Variants in ATF7IP observed in about 807,000 individuals in gnomAD.
The protein encoded by ATF7IP is activating transcription factor 7 interacting protein, also known as activating transcription factor 7-interacting protein 1.
In ATF7IP, 23 loss-of-function variants were observed where a neutral mutation model predicts 106.4. The ratio of observed to expected loss-of-function variants is 0.22; its 90% CI spans 0.16 to 0.31. ATF7IP has a LOEUF of 0.31. ATF7IP is among the 10% of genes least tolerant of loss of function. ATF7IP has a pLI of 1.00. For missense variants in ATF7IP, 1,334 were observed against 1,524.3 expected (o/e 0.88, Z 2.08); for synonymous variants, 542 against 539.0 (o/e 1.01, Z -0.08).
chr12:14,430,491 T>C (rs1942062295), intron 2 of ATF7IP, among the ~76,000 whole-genome samples: 3 of 152,218 alleles, frequency 2.0e-5, no homozygotes, highest in South Asian at 4.1e-4. Context: ...CCATTCTGTA[T>C]TGGTTAAATA....
intron 1 of ATF7IP, among the ~76,000 whole-genome samples, chr12:14,387,525 T>C (rs2136425038): frequency 6.6e-6 from 1 of 152,306 alleles, no homozygotes; most frequent in African/African-American, 2.4e-5. Context: ...AATAACCCAG[T>C]CTTTTTGCCT....
chr12:14,417,068 CAA>C, intron 1 of ATF7IP: 1 of 355,044 alleles, frequency 2.8e-6, no homozygotes, highest in Non-Finnish European at 3.9e-6. Context: ...ATTCTGATAA[CAA>C]ATTTTCCATT....
rs114032760 is a variant in ATF7IP at position 14,424,917 on chromosome 12, A to T, written c.1002A>T (p.Ser334=). 1,211 of 1,605,628 alleles carry T rather than the reference A, an allele frequency of 7.5e-4. 7 individuals are homozygous for T. In the African/African-American group the frequency reaches 0.015, roughly 20 times the overall value. The change falls in exon 2 of 15, where the codon TCA becomes TCT. Residue 334 remains serine (S), a synonymous_variant. Transcript: ENST00000261168. The part of the protein sequence containing the change: ...EKLEQIQSKD[S]LDEKNKADNN... ...TAGAGCAAATTCAGAGTAAAGACTCATTGGATGAGAAAAATAAAGCTGATA... is the reference window on the plus strand; with the variant it reads ...TAGAGCAAATTCAGAGTAAAGACTCTTTGGATGAGAAAAATAAAGCTGATA...
At position 14,424,650 on chromosome 12, in the gene ATF7IP, T is replaced by A; in HGVS notation, c.735T>A (p.Ala245=). 1 of 1,614,106 alleles carries A rather than the reference T, an allele frequency of 6.2e-7. No homozygotes were observed. The highest frequency in any genetic ancestry group is 8.5e-7 in the Non-Finnish European group (1 of 1,180,012). ...TTGATCTGGCTTCTGGAGCACCAGC[T>A]TCCACTGATCCAGCCTCTGATGATC... ...TSVDLASGAP[A]STDPASDDLA... is the part of the protein sequence containing the mutation. Residue 245 remains alanine, a synonymous_variant, in exon 2 of 15, where the codon GCT becomes GCA. Transcript: ENST00000261168.
At chr12:14,369,545 C>T (rs1034086748) in intron 1 of ATF7IP, among the ~76,000 whole-genome samples, 6 of 152,100 alleles carry the variant, frequency 3.9e-5, no homozygotes, top group East Asian at 1.9e-4. Context: ...CCCGTGTTGG[C>T]CAGGCTCGTC....
Position 14,446,994 on chromosome 12 carries a change from A to G in ATF7IP, c.1936A>G (p.Ile646Val), listed in dbSNP as rs1457263885. ...TCTTTTTTTTTTTTTTCAGGCCAAG[A>G]TAGCCAGGTTAACCAAACGCTTTGA... is the stretch of plus-strand genomic sequence containing the variant. ...KTVLTELQAK[I>V]ARLTKRFEAA... The change falls in exon 6 of 15, where the codon ATA becomes GTA. Residue 646 changes from isoleucine to valine, a missense_variant. Coordinates refer to ENST00000261168, the MANE Select transcript of ATF7IP (RefSeq NM_018179.5). 2.6e-6 allele frequency: 4 copies of G among 1,549,076 alleles called. No individual in the cohort carries two copies. Among genetic ancestry groups the G allele is most frequent in the Non-Finnish European group, 2.6e-6 (3 of 1,155,034 alleles).
chr12:14,483,155 GC>G (rs950728947), intron 13 of ATF7IP, among the ~76,000 whole-genome samples: 11 of 152,094 alleles, frequency 7.2e-5, no homozygotes, highest in Admixed American at 1.3e-4. Flanking sequence ...TGTTCTCTTT[GC>G]CTTCAGCAAG....
chr12:14,387,835 A>G (rs1000709478), intron 1 of ATF7IP, among the ~76,000 whole-genome samples: 1 of 152,138 alleles, frequency 6.6e-6, no homozygotes, highest in Non-Finnish European at 1.5e-5. Flanking sequence ...TCACTTTTAA[A>G]AATTCTCCCC....
chr12:14,475,595 A>G (rs1944233697), intron 10 of ATF7IP, among the ~76,000 whole-genome samples: 1 of 152,234 alleles, frequency 6.6e-6, no homozygotes, highest in South Asian at 2.1e-4. Context: ...AAATGTCACA[A>G]AATGAATAGT....
chr12:14,480,711 A>G (rs897713161), intron 12 of ATF7IP, among the ~76,000 whole-genome samples: 2 of 152,188 alleles, frequency 1.3e-5, no homozygotes, highest in African/African-American at 4.8e-5. Context: ...CATACTCTTA[A>G]TTCTGCACCT....
chr12:14,489,753 A>G (rs1944747053), intron 13 of ATF7IP, among the ~76,000 whole-genome samples: 1 of 152,170 alleles, frequency 6.6e-6, no homozygotes, highest in African/African-American at 2.4e-5. Flanking sequence ...AAGACCAGTG[A>G]ATTCCATGAG....
At chr12:14,371,777 G>A (rs975646473) in intron 1 of ATF7IP, among the ~76,000 whole-genome samples, 4 of 151,996 alleles carry the variant, frequency 2.6e-5, no homozygotes, top group African/African-American at 9.7e-5. Context: ...ATTTCAGAAG[G>A]GAAATGAGCG....
chr12:14,405,142 GTT>G (rs1206501207), intron 1 of ATF7IP, among the ~76,000 whole-genome samples: 4 of 151,996 alleles, frequency 2.6e-5, no homozygotes, highest in African/African-American at 7.2e-5. Flanking sequence ...GGAGGTGCTG[GTT>G]CATTCTTTGT....
chr12:14,490,004 C>A (rs143913297), intron 13 of ATF7IP, among the ~76,000 whole-genome samples: 49 of 152,326 alleles, frequency 3.2e-4, no homozygotes, highest in African/African-American at 1.2e-3. Flanking sequence ...GCTAGCTGAT[C>A]ACCCCGAGGA....
chr12:14,369,526 C>G (rs758623725), intron 1 of ATF7IP, among the ~76,000 whole-genome samples: 1 of 151,992 alleles, frequency 6.6e-6, no homozygotes, highest in Admixed American at 6.6e-5. Flanking sequence ...TTAGTAGAGA[C>G]GGGGTTTCCC....
intron 1 of ATF7IP, chr12:14,416,769 G>A (rs1166826459): frequency 8.3e-6 from 2 of 239,724 alleles, no homozygotes. Flanking sequence ...TTCCCTTGTT[G>A]CTGGGCAAGG....
chr12:14,453,763 T>C (rs1943301743), intron 6 of ATF7IP, among the ~76,000 whole-genome samples: 1 of 152,076 alleles, frequency 6.6e-6, no homozygotes, highest in Non-Finnish European at 1.5e-5. Context: ...TGGCTGGGGT[T>C]ACAGGTGCCC....
At chr12:14,462,102 A>G (rs550644024) in intron 9 of ATF7IP, among the ~76,000 whole-genome samples, 1 of 152,266 alleles carries the variant, frequency 6.6e-6, no homozygotes, top group South Asian at 2.1e-4. Flanking sequence ...GCAGATCAAA[A>G]TTAATGTTGG....
intron 9 of ATF7IP, among the ~76,000 whole-genome samples, chr12:14,461,752 C>G (rs562590836): frequency 6.6e-6 from 1 of 152,256 alleles, no homozygotes; most frequent in African/African-American, 2.4e-5. Context: ...AACTCTGTGT[C>G]TTCCTAGTTC....
Sources: allele counts gnomAD v4.1 joint callset (sites outside exome capture counted in the v4.1 genomes callset), GRCh38; gene constraint gnomAD v4.1.1; transcripts MANE v1.5; gene names NCBI Gene and HGNC (gene_info 2026-07-23, HGNC 2026-07-21).